The following POFUT3 variants were observed in gnomAD, a reference collection of about 807,000 sequenced individuals.
POFUT3 encodes protein O-fucosyltransferase 3.
At chr8:33,319,975 A>T in the POFUT3 span, among the ~76,000 whole-genome samples, 5 of 150,804 alleles carry the variant, frequency 3.3e-5, no homozygotes, top group African/African-American at 7.3e-5. Context: ...GTTACTAAGG[A>T]TGTACTATGT....
the POFUT3 span, among the ~76,000 whole-genome samples, chr8:33,402,210 A>T: frequency 6.6e-6 from 1 of 152,230 alleles, no homozygotes; most frequent in Non-Finnish European, 1.5e-5. Context: ...TCAATAGTGA[A>T]TATAGCAATC....
chr8:33,441,972 C>T, the POFUT3 span, among the ~76,000 whole-genome samples: 7 of 152,138 alleles, frequency 4.6e-5, no homozygotes, highest in East Asian at 1.9e-4. Flanking sequence ...TTTTTTGAGA[C>T]GGAGTCTTGC....
chr8:33,354,717 CAT>C, the POFUT3 span, among the ~76,000 whole-genome samples: 3 of 152,156 alleles, frequency 2.0e-5, no homozygotes, highest in African/African-American at 7.2e-5. Flanking sequence ...TTAACCATCA[CAT>C]GTTATCTTCT....
the POFUT3 span, among the ~76,000 whole-genome samples, chr8:33,369,900 C>A: frequency 1.3e-5 from 2 of 152,010 alleles, no homozygotes; most frequent in African/African-American, 4.8e-5. Context: ...ATTCAGGTTC[C>A]AAAATATATT....
the POFUT3 span, among the ~76,000 whole-genome samples, chr8:33,380,162 AC>A: frequency 1.5e-5 from 1 of 67,196 alleles, no homozygotes; most frequent in African/African-American, 7.7e-5. Flanking sequence ...ATATATATAT[AC>A]TATATATATA....
At chr8:33,436,645 C>A in the POFUT3 span, 2 of 862,916 alleles carry the variant, frequency 2.3e-6, no homozygotes, top group Non-Finnish European at 3.9e-6. Flanking sequence ...GAAGAGTGAG[C>A]GAATCTCCCG....
the POFUT3 span, among the ~76,000 whole-genome samples, chr8:33,377,164 G>A: frequency 7.8e-4 from 119 of 151,918 alleles, 2 homozygotes; most frequent in African/African-American, 2.6e-3. Context: ...GCTGGGAGGC[G>A]GAGGTTGCAG....
chr8:33,322,985 C>T, the POFUT3 span, among the ~76,000 whole-genome samples: 2 of 151,760 alleles, frequency 1.3e-5, no homozygotes, highest in African/African-American at 4.8e-5. Context: ...GCCACCCAAG[C>T]TTATCTTAGT....
the POFUT3 span, among the ~76,000 whole-genome samples, chr8:33,438,421 A>T: frequency 6.6e-6 from 1 of 152,206 alleles, no homozygotes; most frequent in Non-Finnish European, 1.5e-5. Context: ...CTACAAAAAA[A>T]ATTAAAAATT....
At chr8:33,464,253 A>ACCC in the POFUT3 span, among the ~76,000 whole-genome samples, 1 of 152,206 alleles carries the variant, frequency 6.6e-6, no homozygotes, top group African/African-American at 2.4e-5. Flanking sequence ...ATCAACTGGA[A>ACCC]CGTTAAAAGG....
chr8:33,350,446 C>T, the POFUT3 span, among the ~76,000 whole-genome samples: 5 of 152,198 alleles, frequency 3.3e-5, no homozygotes, highest in East Asian at 7.7e-4. Context: ...AATCCACGGC[C>T]AGCTCCTGAA....
At chr8:33,402,172 C>T in the POFUT3 span, among the ~76,000 whole-genome samples, 1 of 152,142 alleles carries the variant, frequency 6.6e-6, no homozygotes, top group Non-Finnish European at 1.5e-5. Flanking sequence ...TGCCCCAGAC[C>T]CTTGGCTGGA....
chr8:33,405,179 C>T, the POFUT3 span, among the ~76,000 whole-genome samples: 1 of 151,994 alleles, frequency 6.6e-6, no homozygotes, highest in South Asian at 2.1e-4. Flanking sequence ...TTCATCTTGG[C>T]CCACAAAATT....
the POFUT3 span, among the ~76,000 whole-genome samples, chr8:33,459,365 G>T: frequency 6.6e-6 from 1 of 151,888 alleles, no homozygotes; most frequent in African/African-American, 2.4e-5. Context: ...TGGAAGCCAG[G>T]CGCAGTGGCT....
chr8:33,430,762 C>T, the POFUT3 span, among the ~76,000 whole-genome samples: 4 of 152,252 alleles, frequency 2.6e-5, no homozygotes, highest in East Asian at 7.7e-4. Flanking sequence ...GCATGCGCCA[C>T]CATGCTCAGC....
At chr8:33,393,122 A>G in the POFUT3 span, among the ~76,000 whole-genome samples, 1 of 152,224 alleles carries the variant, frequency 6.6e-6, no homozygotes, top group African/African-American at 2.4e-5. Context: ...AAACTGAGTT[A>G]TTTAGCTCTC....
the POFUT3 span, among the ~76,000 whole-genome samples, chr8:33,396,358 C>T: frequency 3.3e-5 from 5 of 152,134 alleles, no homozygotes; most frequent in African/African-American, 1.2e-4. Flanking sequence ...TTTGAAATAC[C>T]TAGAATAATT....
the POFUT3 span, among the ~76,000 whole-genome samples, chr8:33,412,161 T>G: frequency 6.6e-6 from 1 of 152,082 alleles, no homozygotes; most frequent in Non-Finnish European, 1.5e-5. Context: ...GGACGGAAAA[T>G]CCTCAATGTA....
the POFUT3 span, among the ~76,000 whole-genome samples, chr8:33,387,101 G>A: frequency 6.6e-6 from 1 of 151,910 alleles, no homozygotes; most frequent in African/African-American, 2.4e-5. Context: ...GTGTGTGTGT[G>A]TTTGTGTGTG....
Sources: gnomAD v4.1 joint callset for allele counts (sites outside exome capture counted in the v4.1 genomes callset) on GRCh38, gnomAD v4.1.1 for gene constraint, MANE v1.5 for transcripts, NCBI Gene and HGNC (gene_info 2026-07-23, HGNC 2026-07-21) for gene names.